Variants in LHFPL6 observed in about 807,000 individuals in gnomAD.
LHFPL6 encodes the protein LHFPL tetraspan subfamily member 6 protein.
In LHFPL6, 9 loss-of-function variants were observed where a neutral mutation model predicts 20.6. The ratio of observed to expected loss-of-function variants is 0.44; its 90% confidence interval spans 0.26 to 0.76. The LOEUF is 0.76. Ranked by LOEUF, LHFPL6 falls within the 30% of genes least tolerant of loss-of-function variation. The probability of loss-of-function intolerance (pLI) is 0.20; values close to 1 mark genes in which losing one functional copy is unlikely to be tolerated. For missense variants in LHFPL6, 218 were observed against 253.5 expected, an observed-to-expected ratio of 0.86 and a Z score of 0.95; for synonymous variants, 105 against 98.7, an observed-to-expected ratio of 1.06 and a Z score of -0.38.
At chr13:39,408,007 A>G (rs9566425) in intron 2 of LHFPL6, among the ~76,000 whole-genome samples, 41,725 of 152,004 alleles carry the variant, frequency 0.27, 6,039 homozygotes, top group East Asian at 0.4. Context: ...AGCGTAACCA[A>G]AATGGATGCC....
intron 2 of LHFPL6, among the ~76,000 whole-genome samples, chr13:39,458,989 T>C (rs1008602884): frequency 1.4e-4 from 21 of 152,338 alleles, no homozygotes; most frequent in Non-Finnish European, 2.6e-4. Flanking sequence ...CTTGGCTCTC[T>C]TAAATGTAAA....
intron 2 of LHFPL6, among the ~76,000 whole-genome samples, chr13:39,527,162 G>A (rs143302463): frequency 2.0e-5 from 3 of 152,254 alleles, no homozygotes; most frequent in Non-Finnish European, 2.9e-5. Context: ...GTTAAAGGGC[G>A]TTTATGTTTT....
At chr13:39,395,890 G>A (rs1375092979) in intron 2 of LHFPL6, among the ~76,000 whole-genome samples, 1 of 152,232 alleles carries the variant, frequency 6.6e-6, no homozygotes, top group Non-Finnish European at 1.5e-5. Context: ...GGTGACAGTG[G>A]AGGAAGTTTG....
At chr13:39,572,432 A>G (rs1332942146) in intron 2 of LHFPL6, among the ~76,000 whole-genome samples, 1 of 152,074 alleles carries the variant, frequency 6.6e-6, no homozygotes, top group African/African-American at 2.4e-5. Context: ...ATATGTATAA[A>G]GCCATAATTC....
intron 2 of LHFPL6, among the ~76,000 whole-genome samples, chr13:39,553,088 T>A (rs562456252): frequency 6.6e-6 from 1 of 152,314 alleles, no homozygotes; most frequent in South Asian, 2.1e-4. Flanking sequence ...GCAACCAGAA[T>A]AATATCCCAC....
intron 2 of LHFPL6, among the ~76,000 whole-genome samples, chr13:39,520,130 C>G (rs1402818968): frequency 1.3e-5 from 2 of 152,192 alleles, no homozygotes; most frequent in Non-Finnish European, 2.9e-5. Context: ...GAATCAACAC[C>G]TTTTGTCATG....
At chr13:39,514,103 A>G (rs1490733677) in intron 2 of LHFPL6, among the ~76,000 whole-genome samples, 1 of 152,186 alleles carries the variant, frequency 6.6e-6, no homozygotes, top group Non-Finnish European at 1.5e-5. Flanking sequence ...GTTCTGGTTT[A>G]GTCCCAGCTA....
chr13:39,426,010 T>C (rs1169967288), intron 2 of LHFPL6, among the ~76,000 whole-genome samples: 2 of 152,108 alleles, frequency 1.3e-5, no homozygotes, highest in African/African-American at 4.8e-5. Context: ...GTAAAAAATA[T>C]ATATCATAAA....
At chr13:39,394,431 G>A (rs919724324) in intron 2 of LHFPL6, among the ~76,000 whole-genome samples, 7 of 152,144 alleles carry the variant, frequency 4.6e-5, no homozygotes, top group African/African-American at 1.7e-4. Flanking sequence ...AGAGGTTTGT[G>A]GTTGAATCCT....
intron 2 of LHFPL6, among the ~76,000 whole-genome samples, chr13:39,590,271 T>G (rs1321879925): frequency 6.6e-6 from 1 of 152,206 alleles, no homozygotes; most frequent in Non-Finnish European, 1.5e-5. Context: ...TAGGAAAATA[T>G]TGAATCCTAT....
intron 2 of LHFPL6, among the ~76,000 whole-genome samples, chr13:39,567,739 A>G (rs1272384520): frequency 6.6e-6 from 1 of 152,202 alleles, no homozygotes; most frequent in Non-Finnish European, 1.5e-5. Context: ...TACTCTTTTT[A>G]TAGAGCAGGG....
chr13:39,559,014 C>T (rs1871391602), intron 2 of LHFPL6, among the ~76,000 whole-genome samples: 1 of 152,180 alleles, frequency 6.6e-6, no homozygotes, highest in African/African-American at 2.4e-5. Flanking sequence ...GGGGCTAGAG[C>T]CTCCCCGATG....
At chr13:39,446,114 A>G (rs933954617) in intron 2 of LHFPL6, among the ~76,000 whole-genome samples, 3 of 152,232 alleles carry the variant, frequency 2.0e-5, no homozygotes, top group Non-Finnish European at 4.4e-5. Flanking sequence ...AAATGAGGAA[A>G]TGAGCATGGT....
chr13:39,435,658 A>G (rs1871938405), intron 2 of LHFPL6, among the ~76,000 whole-genome samples: 1 of 152,190 alleles, frequency 6.6e-6, no homozygotes, highest in Non-Finnish European at 1.5e-5. Flanking sequence ...ACATACATAG[A>G]CAGCGAAATA....
rs994720029 is a variant in LHFPL6, at chr13:39,359,427, T to C, written c.485-15373A>G. Among the ~76,000 whole-genome samples the C allele has an allele frequency of 3.3e-4, 51 of 152,250 alleles. 1 individual carries two copies. Among genetic ancestry groups the C allele is most frequent in the African/African-American group, 1.1e-3 (45 of 41,528 alleles). ...AATAGCAAAGGCATGTGCCCATCCA[T>C]GGTGGATTGGGTAAAGAAAATATAC... On this transcript the variant is annotated intron_variant, in intron 3 of 3. Transcript: ENST00000379589.
chr13:39,438,911 G>T (rs918711120), intron 2 of LHFPL6, among the ~76,000 whole-genome samples: 3 of 152,214 alleles, frequency 2.0e-5, no homozygotes, highest in African/African-American at 7.2e-5. Flanking sequence ...CAGGGATGGA[G>T]CCCTCATGGA....
Position 39,564,231 on chromosome 13 carries a change from C to T in LHFPL6, c.385+36601G>A, listed in dbSNP as rs147800617. Among the ~76,000 whole-genome samples the T allele has an allele frequency of 2.2e-4, 34 of 152,276 alleles. No homozygotes were observed. The East Asian group carries it at 6.5e-3, about 29-fold the overall frequency. On this transcript the variant is annotated intron_variant, in intron 2 of 3. Transcript: ENST00000379589. ...TACACTCTGAATATAGCACCTAACACACAATTATAAATATAGAGTGCTTAA... is the reference window on the plus strand; with the variant it reads ...TACACTCTGAATATAGCACCTAACATACAATTATAAATATAGAGTGCTTAA...
chr13:39,451,861 A>G (rs999593676), intron 2 of LHFPL6, among the ~76,000 whole-genome samples: 5 of 152,200 alleles, frequency 3.3e-5, no homozygotes, highest in Non-Finnish European at 5.9e-5. Flanking sequence ...AAATATTGTG[A>G]GAAAAATCCT....
At chr13:39,365,288 C>CCTGT (rs1408507921) in intron 3 of LHFPL6, among the ~76,000 whole-genome samples, 3 of 152,116 alleles carry the variant, frequency 2.0e-5, no homozygotes, top group Non-Finnish European at 4.4e-5. Context: ...ATCTGCCCTC[C>CCTGT]CTGTCTGTAC....
Sources: allele counts gnomAD v4.1 joint callset (sites outside exome capture counted in the v4.1 genomes callset), GRCh38; gene constraint gnomAD v4.1.1; transcripts MANE v1.5; gene names NCBI Gene and HGNC (gene_info 2026-07-23, HGNC 2026-07-21).